The following NDFIP1 variants were observed in gnomAD, a reference collection of about 807,000 sequenced individuals.
NDFIP1 encodes the protein Nedd4 family interacting protein 1.
In NDFIP1, 7 loss-of-function variants were observed where a neutral mutation model predicts 28.8. The observed-to-expected ratio is 0.24, with a 90% CI of 0.14 to 0.46. The LOEUF (loss-of-function observed/expected upper bound fraction) is 0.46, where lower values mean the gene tolerates loss of function less well. Among genes scored for constraint, NDFIP1 ranks in the 20% least tolerant of loss-of-function variants. The probability of loss-of-function intolerance (pLI) is 0.99; values close to 1 mark genes in which losing one functional copy is unlikely to be tolerated. For synonymous variants in NDFIP1, 92 were observed against 101.0 expected, an observed-to-expected ratio of 0.91 and a Z score of 0.53; for missense variants, 194 against 269.1, an observed-to-expected ratio of 0.72 and a Z score of 1.95.
chr5:142,110,606 TA>T (rs565998456), intron 1 of NDFIP1, among the ~76,000 whole-genome samples: 15 of 151,220 alleles, frequency 9.9e-5, no homozygotes, highest in South Asian at 4.2e-4. Context: ...AATTGAAGTA[TA>T]AAAAAAAGAG....
chr5:142,142,940 A>AAAAAATATATATATATAT (rs60076432), intron 6 of NDFIP1: 2 of 38,158 alleles, frequency 5.2e-5, no homozygotes, highest in Non-Finnish European at 8.8e-5. Context: ...AAAAAAAAAA[A>AAAAAATATATATATATAT]ATATATATAT....
rs560188969 is a variant in NDFIP1 at position 142,140,537 on chromosome 5, A to G, written c.496-26A>G. ...GAGAAATTGTGTCTGTTAAGCTGCT[A>G]TAAAGTGTTTTGCCTTATTTTTTAG... On this transcript the variant is annotated intron_variant, in intron 5 of 7. Transcript: ENST00000253814. 2.5e-5 allele frequency: 39 copies of G among 1,585,562 alleles called. No individual in the cohort carries two copies. The East Asian group carries it at 7.0e-4, about 28-fold the overall frequency.
At chr5:142,131,402 G>A (rs183286110) in intron 1 of NDFIP1, among the ~76,000 whole-genome samples, 23 of 152,276 alleles carry the variant, frequency 1.5e-4, no homozygotes, top group Non-Finnish European at 3.1e-4. Flanking sequence ...AGCCTCCTGA[G>A]CAGCTGGGAC....
chr5:142,121,736 A>G (rs1168607273), intron 1 of NDFIP1, among the ~76,000 whole-genome samples: 13 of 152,232 alleles, frequency 8.5e-5, no homozygotes, highest in Admixed American at 8.5e-4. Context: ...GTGTATGGCT[A>G]CATGCATAGC....
At chr5:142,117,477 G>A (rs2126911248) in intron 1 of NDFIP1, among the ~76,000 whole-genome samples, 1 of 152,076 alleles carries the variant, frequency 6.6e-6, no homozygotes, top group South Asian at 2.1e-4. Context: ...TCTTGACCTC[G>A]TGATCCACCC....
chr5:142,123,773 T>G (rs1320834066), intron 1 of NDFIP1, among the ~76,000 whole-genome samples: 3 of 152,192 alleles, frequency 2.0e-5, no homozygotes, highest in African/African-American at 7.2e-5. Flanking sequence ...TCTGTCAAAG[T>G]CAGGGAGCCA....
intron 4 of NDFIP1, among the ~76,000 whole-genome samples, chr5:142,136,455 A>T (rs552095562): frequency 6.6e-6 from 1 of 152,296 alleles, no homozygotes; most frequent in African/African-American, 2.4e-5. Flanking sequence ...TAACACACAC[A>T]GTAAAAAGCA....
chr5:142,117,086 T>C (rs748621268), intron 1 of NDFIP1, among the ~76,000 whole-genome samples: 1 of 152,160 alleles, frequency 6.6e-6, no homozygotes, highest in Non-Finnish European at 1.5e-5. Flanking sequence ...TGTTTTTGTC[T>C]TTTAAATTAG....
At position 142,153,204 on chromosome 5, in the gene NDFIP1, A is replaced by G; in HGVS notation, c.*1476A>G. 1 of 447,744 alleles carries G rather than the reference A, an allele frequency of 2.2e-6. No homozygotes were observed. The highest frequency in any genetic ancestry group is 4.5e-6 in the Non-Finnish European group (1 of 223,384). 27.7% of individuals were successfully genotyped at this position (447,744 alleles called of 1,614,324 possible). A position where few individuals can be genotyped will look rare whatever the true frequency, so the allele number is the denominator to read the frequency against. On this transcript the variant is annotated 3_prime_UTR_variant, in exon 8 of 8. Coordinates refer to ENST00000253814, the MANE Select transcript of NDFIP1 (RefSeq NM_030571.4). ...AGATTCCTCATTTCTCCTGATTTCT[A>G]TTCTTGTCTCAATCTTAAATTTAGA... is the stretch of plus-strand genomic sequence containing the variant.
intron 6 of NDFIP1, among the ~76,000 whole-genome samples, chr5:142,141,168 C>CTTTT (rs1161113130): frequency 3.3e-4 from 20 of 59,956 alleles, no homozygotes; most frequent in African/African-American, 5.1e-4. Context: ...GGCAAGAGGA[C>CTTTT]TTTTTTTTTT....
intron 1 of NDFIP1, among the ~76,000 whole-genome samples, chr5:142,126,784 G>A (rs975095352): frequency 1.3e-5 from 2 of 152,160 alleles, no homozygotes; most frequent in African/African-American, 2.4e-5. Flanking sequence ...GCTTAGTGAG[G>A]AGGGCGGTGG....
intron 1 of NDFIP1, among the ~76,000 whole-genome samples, chr5:142,131,585 T>A (rs1219319196): frequency 6.6e-6 from 1 of 152,220 alleles, no homozygotes; most frequent in African/African-American, 2.4e-5. Context: ...TGTTTCTAAT[T>A]TTTGCTGACA....
chr5:142,119,985 T>G (rs1370716515), intron 1 of NDFIP1, among the ~76,000 whole-genome samples: 1 of 152,224 alleles, frequency 6.6e-6, no homozygotes, highest in Non-Finnish European at 1.5e-5. Flanking sequence ...AGACGGAGTC[T>G]CGCTCTGTTG....
intron 5 of NDFIP1, among the ~76,000 whole-genome samples, chr5:142,139,450 C>G (rs1003328599): frequency 6.6e-6 from 1 of 152,118 alleles, no homozygotes; most frequent in Non-Finnish European, 1.5e-5. Context: ...CAGGTCCCCC[C>G]TCCCCTCAGG....
chr5:142,109,996 A>G (rs1368045679), intron 1 of NDFIP1, among the ~76,000 whole-genome samples: 47 of 152,334 alleles, frequency 3.1e-4, no homozygotes, highest in Admixed American at 2.9e-3. Flanking sequence ...ACAGATGTCA[A>G]TCCTCCTTTT....
intron 7 of NDFIP1, among the ~76,000 whole-genome samples, chr5:142,146,366 T>A (rs1757388628): frequency 6.6e-6 from 1 of 152,244 alleles, no homozygotes; most frequent in Non-Finnish European, 1.5e-5. Flanking sequence ...TGTTTATGTC[T>A]AGAACATAAG....
At chr5:142,146,001 T>C (rs1757384596) in intron 7 of NDFIP1, among the ~76,000 whole-genome samples, 1 of 152,178 alleles carries the variant, frequency 6.6e-6, no homozygotes, top group Non-Finnish European at 1.5e-5. Flanking sequence ...TAGAACAGCA[T>C]TGAAAGCTTT....
intron 1 of NDFIP1, among the ~76,000 whole-genome samples, chr5:142,122,153 A>G (rs763497231): frequency 6.6e-6 from 1 of 152,234 alleles, no homozygotes; most frequent in Non-Finnish European, 1.5e-5. Flanking sequence ...CAGAAACAGC[A>G]TTGCCAGCAC....
chr5:142,119,291 G>A (rs1026945715), intron 1 of NDFIP1, among the ~76,000 whole-genome samples: 1 of 152,170 alleles, frequency 6.6e-6, no homozygotes, highest in Non-Finnish European at 1.5e-5. Context: ...TGATATACAT[G>A]TGTAAGTTGT....
Sources: allele counts gnomAD v4.1 joint callset (sites outside exome capture counted in the v4.1 genomes callset), GRCh38; gene constraint gnomAD v4.1.1; transcripts MANE v1.5; gene names NCBI Gene and HGNC (gene_info 2026-07-23, HGNC 2026-07-21).